RAB3IP: variants seen among roughly 807,000 people sequenced by gnomAD.
RAB3IP encodes the protein rab-3A-interacting protein.
RAB3IP carries 36 observed loss-of-function variants against 59.1 expected under a neutral mutation model. The observed-to-expected ratio is 0.61, with a 90% CI of 0.47 to 0.80. The LOEUF is 0.80. RAB3IP is among the 30% of genes least tolerant of loss of function. The pLI is 0.00. For synonymous variants in RAB3IP, 207 were observed against 191.2 expected, an observed-to-expected ratio of 1.08 and a Z score of -0.68; for missense variants, 511 against 536.0, an observed-to-expected ratio of 0.95 and a Z score of 0.46.
chr12:69,763,605 A>T (rs1592491873), intron 3 of RAB3IP, among the ~76,000 whole-genome samples: 2 of 151,576 alleles, frequency 1.3e-5, no homozygotes, highest in East Asian at 1.9e-4. Context: ...ACTTGTTAAA[A>T]TTTTTTTTTC....
chr12:69,748,118 CA>C (rs1238531303), intron 1 of RAB3IP, among the ~76,000 whole-genome samples: 1 of 141,568 alleles, frequency 7.1e-6, no homozygotes, highest in Non-Finnish European at 1.5e-5. Context: ...TCCCATTTGT[CA>C]AGGTAAGTCC....
At chr12:69,772,301 G>A (rs1031973017) in intron 3 of RAB3IP, among the ~76,000 whole-genome samples, 12 of 152,072 alleles carry the variant, frequency 7.9e-5, no homozygotes, top group African/African-American at 2.7e-4. Flanking sequence ...TGTCCTTACA[G>A]AGGATTTGAG....
At chr12:69,759,749 C>T (rs867748064) in intron 3 of RAB3IP, among the ~76,000 whole-genome samples, 1 of 149,330 alleles carries the variant, frequency 6.7e-6, no homozygotes, top group East Asian at 2.0e-4. Context: ...CGGGGGCTGA[C>T]CCCCCACCTC....
At chr12:69,754,952 T>C (rs1340891917) in intron 1 of RAB3IP, among the ~76,000 whole-genome samples, 1 of 152,238 alleles carries the variant, frequency 6.6e-6, no homozygotes, top group Non-Finnish European at 1.5e-5. Context: ...CTCATACTAA[T>C]TGATTATTCT....
intron 3 of RAB3IP, among the ~76,000 whole-genome samples, chr12:69,766,374 G>T: frequency 6.6e-6 from 1 of 151,572 alleles, no homozygotes. Context: ...CTTTATTTTT[G>T]TTTGACCAGG....
intron 1 of RAB3IP, among the ~76,000 whole-genome samples, chr12:69,750,197 C>G (rs573777086): frequency 6.6e-6 from 1 of 152,248 alleles, no homozygotes; most frequent in Non-Finnish European, 1.5e-5. Flanking sequence ...AAGTGCTCAA[C>G]GAATACTAGC....
intron 4 of RAB3IP, among the ~76,000 whole-genome samples, chr12:69,794,194 A>G (rs1407053355): frequency 6.6e-6 from 1 of 152,176 alleles, no homozygotes; most frequent in Non-Finnish European, 1.5e-5. Context: ...GCAAGTATCT[A>G]TCCGGATGAT....
chr12:69,746,537 G>C (rs1868362639), intron 1 of RAB3IP, among the ~76,000 whole-genome samples: 1 of 152,152 alleles, frequency 6.6e-6, no homozygotes, highest in African/African-American at 2.4e-5. Flanking sequence ...TAGAGGCTGT[G>C]TGCCATCTCT....
chr12:69,773,563 C>T (rs1873572826), intron 3 of RAB3IP, among the ~76,000 whole-genome samples: 1 of 119,336 alleles, frequency 8.4e-6, no homozygotes, highest in East Asian at 2.4e-4. Flanking sequence ...CCTTCCCCCT[C>T]CCCCGACCCC....
At chr12:69,804,314 T>C (rs1010832792) in intron 8 of RAB3IP, among the ~76,000 whole-genome samples, 1 of 152,250 alleles carries the variant, frequency 6.6e-6, no homozygotes, top group African/African-American at 2.4e-5. Flanking sequence ...CAAATGTCTG[T>C]TCATATCCTT....
chr12:69,779,397 T>C (rs1036496576), intron 3 of RAB3IP, among the ~76,000 whole-genome samples: 2 of 152,056 alleles, frequency 1.3e-5, no homozygotes, highest in African/African-American at 4.8e-5. Flanking sequence ...CGCTGGTAGC[T>C]GTAGACCGGA....
In RAB3IP at chr12:69,816,096, G is replaced by A. The variant is rs1881108759; in HGVS notation, c.*650G>A. On this transcript the variant is annotated 3_prime_UTR_variant, in exon 11 of 11. Transcript: ENST00000247833. ...ATGTATTCCTGAGTGTCTTGATATA[G>A]TGTATTCATGTTTTATATGTGTTGA... 1 of 152,174 alleles carries A rather than the reference G, an allele frequency of 6.6e-6. No homozygotes were observed. Among genetic ancestry groups the A allele is most frequent in the Admixed American group, 6.5e-5 (1 of 15,276 alleles). The allele number at this position is 152,174 out of a possible 1,614,324, so 9.4% of individuals were successfully genotyped here. A position where few individuals can be genotyped will look rare whatever the true frequency, so the allele number is the denominator to read the frequency against.
At chr12:69,805,808 T>G (rs555179972) in intron 8 of RAB3IP, among the ~76,000 whole-genome samples, 6 of 152,366 alleles carry the variant, frequency 3.9e-5, no homozygotes, top group African/African-American at 1.2e-4. Flanking sequence ...TTTATTGATT[T>G]TCTTATGTTG....
chr12:69,752,350 C>A (rs144719391), intron 1 of RAB3IP, among the ~76,000 whole-genome samples: 6 of 145,008 alleles, frequency 4.1e-5, no homozygotes, highest in African/African-American at 1.7e-4. Context: ...TATTTTTATT[C>A]TCCTTTTTTA....
At chr12:69,780,102 A>G (rs780355718) in intron 3 of RAB3IP, among the ~76,000 whole-genome samples, 27 of 152,202 alleles carry the variant, frequency 1.8e-4, no homozygotes, top group South Asian at 4.1e-4. Context: ...TGCTCCAGCC[A>G]GGATATACCT....
At chr12:69,754,344 C>CACACAG (rs1869839309) in intron 1 of RAB3IP, among the ~76,000 whole-genome samples, 1 of 75,020 alleles carries the variant, frequency 1.3e-5, no homozygotes, top group African/African-American at 3.6e-5. Flanking sequence ...GATACACGGG[C>CACACAG]ACACACACAC....
intron 1 of RAB3IP, among the ~76,000 whole-genome samples, chr12:69,743,785 A>G (rs942590206): frequency 1.3e-5 from 2 of 148,936 alleles, no homozygotes; most frequent in African/African-American, 5.0e-5. Flanking sequence ...TTTCATTTCT[A>G]TCTTTTTCAG....
intron 8 of RAB3IP, among the ~76,000 whole-genome samples, chr12:69,803,882 T>G (rs2136255514): frequency 6.6e-6 from 1 of 152,380 alleles, no homozygotes; most frequent in South Asian, 2.1e-4. Flanking sequence ...CCACATTTTC[T>G]TAATCCAGTC....
chr12:69,789,555 A>G (rs1876270187), intron 4 of RAB3IP, among the ~76,000 whole-genome samples: 1 of 152,172 alleles, frequency 6.6e-6, no homozygotes, highest in East Asian at 1.9e-4. Flanking sequence ...TCTTACAAAA[A>G]TAGAAGAGGG....
Sources: gnomAD v4.1 joint callset for allele counts (sites outside exome capture counted in the v4.1 genomes callset) on GRCh38, gnomAD v4.1.1 for gene constraint, MANE v1.5 for transcripts, NCBI Gene and HGNC (gene_info 2026-07-23, HGNC 2026-07-21) for gene names.